The following CADM2 variants were observed in gnomAD, a reference collection of about 807,000 sequenced individuals.
CADM2 encodes the protein immunoglobulin superfamily member 4D.
CADM2 carries 12 observed loss-of-function variants against 49.8 expected under a neutral mutation model. That is an observed-to-expected ratio of 0.24 (90% CI 0.15 to 0.39). The LOEUF (loss-of-function observed/expected upper bound fraction) is 0.39, where lower values mean the gene tolerates loss of function less well. CADM2 is among the 10% of genes least tolerant of loss of function. The pLI, the probability that CADM2 is intolerant of heterozygous loss-of-function variation, is 1.00. For missense variants in CADM2, 378 were observed against 492.3 expected, an observed-to-expected ratio of 0.77 and a Z score of 2.20; for synonymous variants, 214 against 175.4, an observed-to-expected ratio of 1.22 and a Z score of -1.74.
At chr3:85,078,903 T>A (rs1182694883) in intron 1 of CADM2, among the ~76,000 whole-genome samples, 2 of 151,814 alleles carry the variant, frequency 1.3e-5, no homozygotes, top group Non-Finnish European at 3.0e-5. Context: ...GTGTCTCATA[T>A]AATACAGAAA....
chr3:86,013,956 C>G, intron 8 of CADM2: 1 of 1,561,390 alleles, frequency 6.4e-7, no homozygotes, highest in Non-Finnish European at 8.8e-7. Context: ...AAAATCAGTA[C>G]CTGTTATGGG....
intron 1 of CADM2, among the ~76,000 whole-genome samples, chr3:84,983,740 C>G (rs192906580): frequency 1.3e-5 from 2 of 152,250 alleles, no homozygotes; most frequent in Admixed American, 1.3e-4. Context: ...CTTGTCAACT[C>G]AGACATGGCA....
intron 1 of CADM2, among the ~76,000 whole-genome samples, chr3:85,077,775 G>C (rs547044389): frequency 6.6e-4 from 101 of 152,094 alleles, no homozygotes; most frequent in African/African-American, 2.4e-3. Flanking sequence ...TTTTGTCAAT[G>C]CTCTGCTGTG....
At chr3:85,056,586 C>A (rs1033130073) in intron 1 of CADM2, among the ~76,000 whole-genome samples, 1 of 152,034 alleles carries the variant, frequency 6.6e-6, no homozygotes. Context: ...AATTTCAATC[C>A]CTGCAATTTG....
intron 8 of CADM2, among the ~76,000 whole-genome samples, chr3:85,984,397 A>G (rs1463549595): frequency 6.6e-6 from 1 of 151,592 alleles, no homozygotes; most frequent in Non-Finnish European, 1.5e-5. Context: ...CCATGTCATA[A>G]TCTAGTAATC....
intron 3 of CADM2, among the ~76,000 whole-genome samples, chr3:85,843,756 C>T (rs554580690): frequency 9.2e-4 from 140 of 152,196 alleles, no homozygotes; most frequent in African/African-American, 3.2e-3. Flanking sequence ...CACGTTAATG[C>T]TCCAGGTAAA....
intron 2 of CADM2, among the ~76,000 whole-genome samples, chr3:85,791,009 T>G (rs72908517): frequency 6.6e-6 from 1 of 152,188 alleles, no homozygotes; most frequent in Admixed American, 6.5e-5. Flanking sequence ...AATAAAATAT[T>G]ATGTGGTTGC....
At chr3:85,793,117 A>G (rs186767162) in intron 2 of CADM2, among the ~76,000 whole-genome samples, 10 of 152,322 alleles carry the variant, frequency 6.6e-5, no homozygotes, top group African/African-American at 2.4e-4. Flanking sequence ...CTCTAAGTAT[A>G]TGACAGATGG....
intron 8 of CADM2, chr3:86,013,595 G>C: frequency 6.2e-7 from 1 of 1,600,498 alleles, no homozygotes; most frequent in Non-Finnish European, 8.5e-7. Flanking sequence ...AAACTCTCAG[G>C]GAAGAGAGAG....
chr3:85,529,019 G>T (rs2061236373), intron 1 of CADM2, among the ~76,000 whole-genome samples: 1 of 152,058 alleles, frequency 6.6e-6, no homozygotes, highest in South Asian at 2.1e-4. Flanking sequence ...ATTTAGTCAT[G>T]TAACAACCCT....
chr3:85,226,250 A>AG (rs372868490), intron 1 of CADM2, among the ~76,000 whole-genome samples: 2 of 145,604 alleles, frequency 1.4e-5, no homozygotes, highest in Non-Finnish European at 3.0e-5. Flanking sequence ...CTGGTCCTGG[A>AG]TTTTTTTTTT....
chr3:85,580,362 G>T (rs547093103), intron 1 of CADM2, among the ~76,000 whole-genome samples: 16 of 152,028 alleles, frequency 1.1e-4, no homozygotes, highest in East Asian at 5.8e-4. Context: ...TAACCTTTCC[G>T]ATGCATCTTA....
At chr3:85,035,377 T>G (rs2035171170) in intron 1 of CADM2, among the ~76,000 whole-genome samples, 1 of 152,198 alleles carries the variant, frequency 6.6e-6, no homozygotes, top group Non-Finnish European at 1.5e-5. Context: ...TGGCTGTCTT[T>G]TCAGTTTGTT....
intron 1 of CADM2, among the ~76,000 whole-genome samples, chr3:84,970,583 A>G (rs1023483869): frequency 5.3e-5 from 8 of 152,024 alleles, no homozygotes; most frequent in African/African-American, 1.7e-4. Context: ...GACTAGCTTA[A>G]GATTTACCTG....
At chr3:85,538,710 A>G (rs1383779957) in intron 1 of CADM2, among the ~76,000 whole-genome samples, 1 of 121,304 alleles carries the variant, frequency 8.2e-6, no homozygotes, top group African/African-American at 2.5e-5. Flanking sequence ...TAATAAAATC[A>G]TGGTGTTAAA....
At chr3:85,646,461 T>A (rs1416115743) in intron 1 of CADM2, among the ~76,000 whole-genome samples, 1 of 151,998 alleles carries the variant, frequency 6.6e-6, no homozygotes, top group African/African-American at 2.4e-5. Flanking sequence ...AGTATTCTGG[T>A]GCAATAGAAC....
chr3:85,568,689 G>A (rs1283113524), intron 1 of CADM2, among the ~76,000 whole-genome samples: 2 of 140,908 alleles, frequency 1.4e-5, no homozygotes, highest in Admixed American at 7.5e-5. Context: ...TGCAACCTCC[G>A]CCTCCTGGGA....
chr3:85,066,953 G>T (rs2036547973), intron 1 of CADM2, among the ~76,000 whole-genome samples: 1 of 152,006 alleles, frequency 6.6e-6, no homozygotes, highest in South Asian at 2.1e-4. Context: ...ATCTTGCAGT[G>T]CTGGGGCAGG....
intron 1 of CADM2, among the ~76,000 whole-genome samples, chr3:85,166,722 T>G (rs910132467): frequency 6.6e-6 from 1 of 151,998 alleles, no homozygotes; most frequent in Non-Finnish European, 1.5e-5. Flanking sequence ...TCTCTGCTTA[T>G]ATCAGTAAGT....
Sources: gnomAD v4.1 joint callset for allele counts (sites outside exome capture counted in the v4.1 genomes callset) on GRCh38, gnomAD v4.1.1 for gene constraint, MANE v1.5 for transcripts, NCBI Gene and HGNC (gene_info 2026-07-23, HGNC 2026-07-21) for gene names.